The following SEMA3E variants were observed in gnomAD, a reference collection of about 807,000 sequenced individuals.
SEMA3E encodes semaphorin-3E.
SEMA3E carries 49 observed loss-of-function variants against 93.6 expected under a neutral mutation model. The ratio of observed to expected loss-of-function variants is 0.52; its 90% confidence interval spans 0.42 to 0.66. SEMA3E has a LOEUF of 0.66. Among genes scored for constraint, SEMA3E ranks in the 30% least tolerant of loss-of-function variants. The probability of loss-of-function intolerance (pLI) is 0.00; values close to 1 mark genes in which losing one functional copy is unlikely to be tolerated. For missense variants in SEMA3E, 906 were observed against 964.8 expected (o/e 0.94, Z 0.81); for synonymous variants, 363 against 330.7 (o/e 1.10, Z -1.06).
rs1794627563 is a variant in SEMA3E, at chr7:83,364,002, C to A, written c.*3584G>T. 6.7e-6 allele frequency: 1 copy of A among 149,882 alleles called. No individual in the cohort carries two copies. Among genetic ancestry groups the A allele is most frequent in the Non-Finnish European group, 1.5e-5 (1 of 67,594 alleles). The allele number at this position is 149,882 out of a possible 1,614,324, so 9.3% of individuals were successfully genotyped here. ...CTCCGCTTCCCGGGTTCACGCCATT[C>A]TCCTGCCTCAGCCTCCCAAGTAGCT... On this transcript the variant is annotated 3_prime_UTR_variant, in exon 17 of 17. Coordinates refer to ENST00000643230, the MANE Select transcript of SEMA3E (RefSeq NM_012431.3).
chr7:83,581,487 T>A (rs1392725811), intron 1 of SEMA3E, among the ~76,000 whole-genome samples: 1 of 152,058 alleles, frequency 6.6e-6, no homozygotes, highest in Non-Finnish European at 1.5e-5. Flanking sequence ...ACATACTTTT[T>A]AAACATTTTA....
intron 4 of SEMA3E, among the ~76,000 whole-genome samples, 166 bp from the exon 5 acceptor site, chr7:83,418,649 A>C (rs1788608018): frequency 1.3e-5 from 2 of 152,214 alleles, no homozygotes; most frequent in African/African-American, 4.8e-5. Context: ...ATAAATAAGC[A>C]CATGTGTTTT....
At chr7:83,631,229 A>T (rs1793779056) in intron 1 of SEMA3E, among the ~76,000 whole-genome samples, 1 of 152,144 alleles carries the variant, frequency 6.6e-6, no homozygotes, top group African/African-American at 2.4e-5. Flanking sequence ...TAGCTCATTT[A>T]TCCAGACCTT....
At chr7:83,602,971 T>C (rs193028650) in intron 1 of SEMA3E, among the ~76,000 whole-genome samples, 116 of 152,244 alleles carry the variant, frequency 7.6e-4, no homozygotes, top group Middle Eastern at 3.4e-3. Context: ...AGATAGCATA[T>C]AGTAAGTGTG....
chr7:83,531,141 A>C (rs962555508), intron 1 of SEMA3E, among the ~76,000 whole-genome samples: 1 of 151,964 alleles, frequency 6.6e-6, no homozygotes, highest in Non-Finnish European at 1.5e-5. Flanking sequence ...AAATAAAATC[A>C]TCTTGCCCTA....
chr7:83,445,203 C>A (rs1789201583), intron 4 of SEMA3E, among the ~76,000 whole-genome samples: 2 of 152,132 alleles, frequency 1.3e-5, no homozygotes, highest in African/African-American at 4.8e-5. Flanking sequence ...GCAAAGATAG[C>A]AAATACAGAC....
intron 2 of SEMA3E, among the ~76,000 whole-genome samples, chr7:83,488,188 A>C (rs1790305767): frequency 1.3e-5 from 2 of 152,064 alleles, no homozygotes; most frequent in Admixed American, 6.6e-5. Flanking sequence ...CAGACAATAA[A>C]GGGGGAACAA....
intron 2 of SEMA3E, among the ~76,000 whole-genome samples, chr7:83,479,474 T>C (rs1163933575): frequency 1.3e-5 from 2 of 152,208 alleles, no homozygotes; most frequent in Non-Finnish European, 2.9e-5. Context: ...AGAACTTAGT[T>C]AAGTAACACC....
At chr7:83,381,999 G>A (rs925449051) in intron 16 of SEMA3E, among the ~76,000 whole-genome samples, 1 of 151,906 alleles carries the variant, frequency 6.6e-6, no homozygotes, top group African/African-American at 2.4e-5. Flanking sequence ...GCAGCAGCAT[G>A]CTCCACTCAA....
chr7:83,610,388 A>C (rs532253938), intron 1 of SEMA3E, among the ~76,000 whole-genome samples: 1 of 152,236 alleles, frequency 6.6e-6, no homozygotes, highest in East Asian at 1.9e-4. Flanking sequence ...ATGTTCAGAA[A>C]AAAGAATTAT....
At chr7:83,440,504 A>G (rs1789091277) in intron 4 of SEMA3E, among the ~76,000 whole-genome samples, 1 of 152,180 alleles carries the variant, frequency 6.6e-6, no homozygotes, top group East Asian at 1.9e-4. Context: ...TCCTCATTTT[A>G]TAAATAAACT....
intron 1 of SEMA3E, among the ~76,000 whole-genome samples, chr7:83,501,811 T>C (rs1790602912): frequency 6.6e-6 from 1 of 152,242 alleles, no homozygotes; most frequent in Admixed American, 6.5e-5. Context: ...ATGTTTTCTC[T>C]AGTTAATAAT....
chr7:83,409,698 G>C (rs1788402491), intron 5 of SEMA3E, among the ~76,000 whole-genome samples: 4 of 151,348 alleles, frequency 2.6e-5, no homozygotes, highest in African/African-American at 9.7e-5. Context: ...TAAAGTTGCA[G>C]GTATAAGAAT....
rs369999274 is a variant in SEMA3E, at chr7:83,462,396, C to T, written c.456+4086G>A. 2.7e-3 allele frequency among the ~76,000 whole-genome samples: 410 copies of T among 152,148 alleles called. 1 individual carries two copies. Among genetic ancestry groups the T allele is most frequent in the African/African-American group, 9.0e-3 (375 of 41,500 alleles). ...TCTTTTAAGCACTCCTTTTTAGTTACCCCCACCTGCCCAGTTCCCTTATTA... is the reference window on the plus strand; with the variant it reads ...TCTTTTAAGCACTCCTTTTTAGTTATCCCCACCTGCCCAGTTCCCTTATTA... On this transcript the variant is annotated intron_variant, in intron 4 of 16. Transcript: ENST00000643230.
chr7:83,367,605 C>T lies in SEMA3E; in HGVS notation c.2309G>A (p.Arg770Lys). 1.9e-6 allele frequency: 3 copies of T among 1,614,106 alleles called. No homozygotes were observed. Among genetic ancestry groups the T allele is most frequent in the South Asian group, 1.1e-5 (1 of 91,074 alleles). Residue 770 changes from arginine (R) to lysine (K), a missense_variant, in exon 17 of 17, where the codon AGG becomes AAG. Arg to Lys is a conservative substitution (Grantham distance 26). Transcript: ENST00000643230. Reference sequence around the variant, plus strand: ...ACCCCATCAGGAGTCCAGCGTGTGCCTGGGCAGGCGGTAATGCTCAGGTTT... The same window carrying T: ...ACCCCATCAGGAGTCCAGCGTGTGCTTGGGCAGGCGGTAATGCTCAGGTTT... Reference protein sequence around the residue: ...RSKPEHYRLPRHTLDS With the variant: ...RSKPEHYRLPKHTLDS
chr7:83,587,961 CTTA>C (rs1418881529), intron 1 of SEMA3E, among the ~76,000 whole-genome samples: 2 of 151,888 alleles, frequency 1.3e-5, no homozygotes, highest in African/African-American at 4.8e-5. Flanking sequence ...GATTAATTTG[CTTA>C]TTATGTATTT....
intron 1 of SEMA3E, among the ~76,000 whole-genome samples, chr7:83,622,173 G>A (rs1387013835): frequency 6.6e-6 from 1 of 151,892 alleles, no homozygotes; most frequent in Non-Finnish European, 1.5e-5. Context: ...GTGGGCAAAG[G>A]ACATGAATAG....
chr7:83,387,716 T>C (rs1787908044), intron 14 of SEMA3E, among the ~76,000 whole-genome samples: 1 of 151,214 alleles, frequency 6.6e-6, no homozygotes, highest in African/African-American at 2.4e-5. Flanking sequence ...CTGCCTCGTA[T>C]AATTAGAGTC....
chr7:83,540,458 A>G lies in SEMA3E; in HGVS notation c.116-50184T>C, dbSNP rs59030681. On this transcript the variant is annotated intron_variant, in intron 1 of 16. Coordinates refer to ENST00000643230, the MANE Select transcript of SEMA3E (RefSeq NM_012431.3). ...ATATATGATTAAAATATGCTTTGATAATATTTTTCCCTTAGACTCAGCCAT... is the reference window on the plus strand; with the variant it reads ...ATATATGATTAAAATATGCTTTGATGATATTTTTCCCTTAGACTCAGCCAT... 4.7e-3 allele frequency among the ~76,000 whole-genome samples: 716 copies of G among 152,296 alleles called. 6 individuals are homozygous for G. The highest frequency in any genetic ancestry group is 0.016 in the African/African-American group (662 of 41,564).
Sources: allele counts gnomAD v4.1 joint callset (sites outside exome capture counted in the v4.1 genomes callset), GRCh38; gene constraint gnomAD v4.1.1; transcripts MANE v1.5; gene names NCBI Gene and HGNC (gene_info 2026-07-23, HGNC 2026-07-21).